PIK3CB: variants seen among roughly 807,000 people sequenced by gnomAD.
PIK3CB encodes phosphatidylinositol 4,5-bisphosphate 3-kinase catalytic subunit beta isoform.
Under a neutral mutation model 136.8 loss-of-function variants are expected in PIK3CB, and 39 were observed. That is an observed-to-expected ratio of 0.29 (90% CI 0.22 to 0.37). The LOEUF (loss-of-function observed/expected upper bound fraction) is 0.37. Among genes scored for constraint, PIK3CB ranks in the 10% least tolerant of loss-of-function variants. The pLI, the probability that PIK3CB is intolerant of heterozygous loss-of-function variation, is 1.00. For missense variants in PIK3CB, 868 were observed against 1,275.4 expected, an observed-to-expected ratio of 0.68 and a Z score of 4.87; for synonymous variants, 428 against 436.6, an observed-to-expected ratio of 0.98 and a Z score of 0.25.
chr3:138,721,798 A>G (rs980039675), intron 8 of PIK3CB, among the ~76,000 whole-genome samples: 11 of 152,188 alleles, frequency 7.2e-5, no homozygotes, highest in African/African-American at 2.4e-4. Context: ...GAAAGACATT[A>G]TAAGAGAGAT....
intron 1 of PIK3CB, among the ~76,000 whole-genome samples, chr3:138,810,718 A>C (rs990241504): frequency 4.6e-5 from 7 of 151,710 alleles, no homozygotes; most frequent in Non-Finnish European, 1.0e-4. Context: ...GGAGATTGAG[A>C]CCATCCTGGC....
intron 2 of PIK3CB, among the ~76,000 whole-genome samples, chr3:138,788,879 G>T (rs1317732952): frequency 2.0e-5 from 3 of 146,488 alleles, no homozygotes; most frequent in Admixed American, 7.0e-5. Flanking sequence ...CAGGAGAATC[G>T]CTTGAACCCG....
At chr3:138,714,282 A>G (rs1199963293) in intron 9 of PIK3CB, among the ~76,000 whole-genome samples, 186 bp downstream of exon 9, 1 of 152,232 alleles carries the variant, frequency 6.6e-6, no homozygotes, top group Non-Finnish European at 1.5e-5. Context: ...GCATGAACAT[A>G]AACATAAATA....
chr3:138,771,920 TCA>T (rs1491513449), intron 2 of PIK3CB, among the ~76,000 whole-genome samples: 4 of 58,560 alleles, frequency 6.8e-5, no homozygotes. Context: ...AGACTCAGTC[TCA>T]AAAAAAAAAA....
chr3:138,746,379 G>A (rs1043322258), intron 4 of PIK3CB, among the ~76,000 whole-genome samples: 12 of 151,856 alleles, frequency 7.9e-5, no homozygotes, highest in African/African-American at 2.2e-4. Flanking sequence ...TTGTCAAATC[G>A]GCCGGGCACG....
At chr3:138,806,818 G>A (rs138658331) in intron 1 of PIK3CB, among the ~76,000 whole-genome samples, 253 of 152,304 alleles carry the variant, frequency 1.7e-3, no homozygotes, top group African/African-American at 5.7e-3. Flanking sequence ...ACAGCTGGAC[G>A]TTGAAGAATA....
intron 8 of PIK3CB, among the ~76,000 whole-genome samples, chr3:138,723,500 A>G (rs1240906649): frequency 6.6e-6 from 1 of 152,180 alleles, no homozygotes; most frequent in Non-Finnish European, 1.5e-5. Flanking sequence ...GTGGTGAGCC[A>G]AGACGTGTCA....
At chr3:138,748,521 A>G (rs2045407942) in intron 4 of PIK3CB, among the ~76,000 whole-genome samples, 1 of 152,190 alleles carries the variant, frequency 6.6e-6, no homozygotes, top group Non-Finnish European at 1.5e-5. Context: ...CTATGGATAT[A>G]CTATCAATAT....
intron 6 of PIK3CB, among the ~76,000 whole-genome samples, chr3:138,735,684 G>A (rs1250025473): frequency 6.6e-6 from 1 of 152,116 alleles, no homozygotes; most frequent in African/African-American, 2.4e-5. Context: ...TATAAGAAAA[G>A]GGGTGATTAT....
intron 1 of PIK3CB, among the ~76,000 whole-genome samples, chr3:138,807,570 G>A (rs1028683156): frequency 6.6e-6 from 1 of 151,984 alleles, no homozygotes; most frequent in East Asian, 1.9e-4. Context: ...TCCACATAAC[G>A]GAATGTTGTG....
chr3:138,682,163 T>C (rs1020880303), intron 18 of PIK3CB, 118 bp from the exon 19 acceptor site: 2 of 605,078 alleles, frequency 3.3e-6, no homozygotes, highest in Non-Finnish European at 2.9e-6. Flanking sequence ...GCTAATATTT[T>C]CACTAATTTT....
At chr3:138,751,495 C>G (rs2045471868) in intron 4 of PIK3CB, among the ~76,000 whole-genome samples, 1 of 151,690 alleles carries the variant, frequency 6.6e-6, no homozygotes, top group African/African-American at 2.4e-5. Context: ...ATAACGAACA[C>G]TTTAAGCTAA....
intron 1 of PIK3CB, among the ~76,000 whole-genome samples, chr3:138,805,598 G>C (rs2046225160): frequency 6.6e-6 from 1 of 151,350 alleles, no homozygotes; most frequent in African/African-American, 2.4e-5. Flanking sequence ...CATGAACCTG[G>C]GAGGCGGAGC....
chr3:138,690,126 A>G (rs1299953292), intron 15 of PIK3CB, among the ~76,000 whole-genome samples: 2 of 152,200 alleles, frequency 1.3e-5, no homozygotes, highest in South Asian at 2.1e-4. Context: ...TAAAAAAAAG[A>G]GTGGAAAAAA....
intron 2 of PIK3CB, among the ~76,000 whole-genome samples, chr3:138,788,956 C>A (rs1477404869): frequency 1.0e-5 from 1 of 98,028 alleles, no homozygotes. Flanking sequence ...AAGAGAGAGA[C>A]TTCGTCTCAA....
intron 1 of PIK3CB, among the ~76,000 whole-genome samples, chr3:138,798,622 GT>G (rs1559882923): frequency 1.3e-5 from 2 of 152,094 alleles, no homozygotes; most frequent in Non-Finnish European, 2.9e-5. Context: ...CTTTCCACTT[GT>G]TTTTGTATTT....
intron 1 of PIK3CB, among the ~76,000 whole-genome samples, chr3:138,823,254 C>T (rs1933639229): frequency 6.6e-6 from 1 of 151,088 alleles, no homozygotes; most frequent in African/African-American, 2.4e-5. Context: ...GTCCCCATCC[C>T]TAAAAAAATA....
chr3:138,799,820 G>A (rs1278282295), intron 1 of PIK3CB, among the ~76,000 whole-genome samples: 1 of 151,894 alleles, frequency 6.6e-6, no homozygotes, highest in African/African-American at 2.4e-5. Flanking sequence ...TGAGACCTCA[G>A]GTGTGTGCCA....
rs544921455 is a variant in PIK3CB, at chr3:138,705,194, A to C, written c.1531-701T>G. 1.1e-3 allele frequency among the ~76,000 whole-genome samples: 153 copies of C among 137,972 alleles called. 14 individuals are homozygous for C. Among genetic ancestry groups the C allele is most frequent in the Admixed American group, 1.5e-3 (20 of 13,400 alleles). 90.5% of individuals were successfully genotyped at this position (137,972 alleles called of 152,430 possible). On this transcript the variant is annotated intron_variant, in intron 11 of 23. Transcript: ENST00000674063. ...AAAAACAAAAAACAAAACAAACAAA[A>C]AAAAAAACTTATATTTGCAAATATA...
Sources: allele counts gnomAD v4.1 joint callset (sites outside exome capture counted in the v4.1 genomes callset), GRCh38; gene constraint gnomAD v4.1.1; transcripts MANE v1.5; gene names NCBI Gene and HGNC (gene_info 2026-07-23, HGNC 2026-07-21).